The following TMEM131 variants were observed in gnomAD, a reference collection of about 807,000 sequenced individuals.
TMEM131 encodes transmembrane protein 131.
A neutral mutation model predicts 211.6 loss-of-function variants in TMEM131; 66 were observed. The observed-to-expected ratio is 0.31, with a 90% CI of 0.26 to 0.38. The LOEUF is 0.38. TMEM131 is among the 10% of genes least tolerant of loss of function. The pLI, the probability that TMEM131 is intolerant of heterozygous loss-of-function variation, is 1.00. For synonymous variants in TMEM131, 844 were observed against 841.3 expected, an observed-to-expected ratio of 1.00 and a Z score of -0.06; for missense variants, 2,036 against 2,299.3, an observed-to-expected ratio of 0.89 and a Z score of 2.34.
chr2:97,876,417 G>C (rs1674696231), intron 4 of TMEM131, among the ~76,000 whole-genome samples: 1 of 152,136 alleles, frequency 6.6e-6, no homozygotes, highest in Non-Finnish European at 1.5e-5. Flanking sequence ...GAAAATTTCA[G>C]GCCAATATCC....
At chr2:97,962,449 A>G (rs1678861959) in intron 1 of TMEM131, among the ~76,000 whole-genome samples, 1 of 152,190 alleles carries the variant, frequency 6.6e-6, no homozygotes, top group Non-Finnish European at 1.5e-5. Flanking sequence ...GCTTGCAGTG[A>G]GCTGAGATAG....
chr2:97,839,071 C>G (rs563710395), intron 7 of TMEM131, among the ~76,000 whole-genome samples: 27 of 152,190 alleles, frequency 1.8e-4, no homozygotes, highest in Non-Finnish European at 3.1e-4. Context: ...TGCCTGTAAT[C>G]CCGGCACTTT....
At position 97,772,028 on chromosome 2, in the gene TMEM131, C is replaced by T. The variant is rs183019824; in HGVS notation, c.4448+269G>A. Among the ~76,000 whole-genome samples the T allele has an allele frequency of 1.1e-3, 174 of 152,334 alleles. 1 individual carries two copies. The highest frequency in any genetic ancestry group is 4.0e-3 in the African/African-American group (168 of 41,578). On this transcript the variant is annotated intron_variant, in intron 33 of 40. Coordinates refer to ENST00000186436, the MANE Select transcript of TMEM131 (RefSeq NM_015348.2). ...TCTCAGCCTGGGACTGAATCACCAACAGAAATTTTCCTCCTAAATTTTTAT... is the reference window on the plus strand; with the variant it reads ...TCTCAGCCTGGGACTGAATCACCAATAGAAATTTTCCTCCTAAATTTTTAT...
At chr2:97,952,084 G>T (rs549591828) in intron 1 of TMEM131, among the ~76,000 whole-genome samples, 1 of 151,934 alleles carries the variant, frequency 6.6e-6, no homozygotes, top group South Asian at 2.1e-4. Context: ...TTGAACCCGG[G>T]AGGCGGAGGG....
chr2:97,966,372 T>A (rs28398310), intron 1 of TMEM131, among the ~76,000 whole-genome samples: 5 of 152,194 alleles, frequency 3.3e-5, no homozygotes, highest in African/African-American at 1.2e-4. Flanking sequence ...CCTAATTTTT[T>A]AAAATTTCTT....
intron 1 of TMEM131, among the ~76,000 whole-genome samples, chr2:97,945,992 A>G (rs1198356352): frequency 1.3e-5 from 2 of 152,136 alleles, no homozygotes; most frequent in Non-Finnish European, 2.9e-5. Context: ...CATGTCTGTG[A>G]CTACAGTGGT....
chr2:97,908,083 A>G lies in TMEM131; in HGVS notation c.290+575T>C, dbSNP rs147032751. Among the ~76,000 whole-genome samples, 395 of 152,316 alleles carry G rather than the reference A, an allele frequency of 2.6e-3. 6 individuals carry two copies. Among genetic ancestry groups the G allele is most frequent in the Non-Finnish European group, 7.6e-4 (52 of 68,028 alleles). ...CATATAGAAAGAGAATCAGCACAGT[A>G]TGTCTCTTTACAGATGTGAGAAGGT... On this transcript the variant is annotated intron_variant, in intron 3 of 40. Transcript: ENST00000186436.
At chr2:97,944,657 G>A (rs1677950137) in intron 1 of TMEM131, among the ~76,000 whole-genome samples, 1 of 152,098 alleles carries the variant, frequency 6.6e-6, no homozygotes, top group Admixed American at 6.5e-5. Flanking sequence ...CAAGGAAACT[G>A]ACTAGACATT....
intron 1 of TMEM131, among the ~76,000 whole-genome samples, chr2:97,984,429 G>C (rs1320189777): frequency 6.6e-6 from 1 of 151,886 alleles, no homozygotes; most frequent in Non-Finnish European, 1.5e-5. Context: ...CTGGAGGCTG[G>C]GTAATTTATA....
At chr2:97,788,997 C>T (rs1452623014) in intron 31 of TMEM131, among the ~76,000 whole-genome samples, 3 of 152,102 alleles carry the variant, frequency 2.0e-5, no homozygotes, top group African/African-American at 7.2e-5. Flanking sequence ...AGGGAAAATA[C>T]AGGTTAAAGA....
intron 12 of TMEM131, among the ~76,000 whole-genome samples, chr2:97,815,532 G>A (rs1462524023): frequency 6.6e-6 from 1 of 152,174 alleles, no homozygotes; most frequent in African/African-American, 2.4e-5. Context: ...GGAATTAGCT[G>A]GTGAGCATGG....
chr2:97,784,708 A>T (rs984514834), intron 31 of TMEM131, among the ~76,000 whole-genome samples: 1 of 152,098 alleles, frequency 6.6e-6, no homozygotes, highest in African/African-American at 2.4e-5. Context: ...AAGAGCAGAA[A>T]AATAAATCTA....
intron 4 of TMEM131, chr2:97,887,728 A>G (rs1341034218): frequency 5.0e-6 from 1 of 200,518 alleles, no homozygotes; most frequent in Non-Finnish European, 9.7e-6. Flanking sequence ...TATTCATAAG[A>G]AGATTTTTAA....
chr2:97,868,948 A>G (rs1674382442), intron 4 of TMEM131, among the ~76,000 whole-genome samples: 1 of 152,192 alleles, frequency 6.6e-6, no homozygotes, highest in African/African-American at 2.4e-5. Flanking sequence ...CTCAAACTAC[A>G]GCCACGATAC....
chr2:97,793,423 T>C lies in TMEM131; in HGVS notation c.3517A>G (p.Arg1173Gly), dbSNP rs769584108. ...FDVGRPFDLR[R>G]IVGISSEGNL... is the part of the protein sequence containing the mutation. ...CCTTCAGATGAAATACCAACGATTC[T>C]CCTGAGATCAAATGGCCTTCCCACA... The change falls in exon 30 of 41, where the codon AGA becomes GGA. Residue 1173 changes from arginine to glycine, a missense_variant. Arg to Gly is a moderately radical substitution (Grantham distance 125, BLOSUM62 -2). This residue lies in a region of TMEM131 where 1,623 missense variants were observed against 1,805.9 expected (regional missense o/e 0.90). Coordinates refer to ENST00000186436, the MANE Select transcript of TMEM131 (RefSeq NM_015348.2). 5.0e-6 allele frequency: 8 copies of C among 1,613,770 alleles called. No homozygotes were observed. Among genetic ancestry groups the C allele is most frequent in the Non-Finnish European group, 6.8e-6 (8 of 1,179,748 alleles).
At chr2:97,858,936 A>G (rs150884982) in intron 5 of TMEM131, among the ~76,000 whole-genome samples, 20 of 152,362 alleles carry the variant, frequency 1.3e-4, no homozygotes, top group African/African-American at 4.6e-4. Context: ...TACAGTTTAC[A>G]GAACTGTGTG....
At chr2:97,995,453 G>A (rs1680457883) in intron 1 of TMEM131, 23 bp downstream of exon 1, 11 of 1,357,080 alleles carry the variant, frequency 8.1e-6, no homozygotes, top group Non-Finnish European at 1.0e-5. Flanking sequence ...CCCGCCGCAG[G>A]GACGCCGCCG....
intron 7 of TMEM131, among the ~76,000 whole-genome samples, chr2:97,839,173 A>G (rs1052527195): frequency 6.6e-6 from 1 of 152,176 alleles, no homozygotes; most frequent in Non-Finnish European, 1.5e-5. Context: ...AAAAAATAAA[A>G]AACATTAGCC....
intron 1 of TMEM131, among the ~76,000 whole-genome samples, chr2:97,960,015 T>C (rs1678747724): frequency 6.6e-6 from 1 of 152,184 alleles, no homozygotes; most frequent in Non-Finnish European, 1.5e-5. Context: ...GTAAGAATAA[T>C]ATAGAAATGA....
Sources: gnomAD v4.1 joint callset for allele counts (sites outside exome capture counted in the v4.1 genomes callset) on GRCh38, gnomAD v4.1.1 for gene constraint, gnomAD v4.1.1 regional missense constraint, MANE v1.5 for transcripts, NCBI Gene and HGNC (gene_info 2026-07-23, HGNC 2026-07-21) for gene names.